Variants in NCOR2 observed in about 807,000 individuals in gnomAD.
NCOR2 encodes the protein nuclear receptor corepressor 2.
A neutral mutation model predicts 262.9 loss-of-function variants in NCOR2; 81 were observed. The observed-to-expected ratio is 0.31, with a 90% confidence interval of 0.26 to 0.37. NCOR2 has a LOEUF of 0.37. NCOR2 is among the 10% of genes least tolerant of loss of function. NCOR2 has a pLI of 1.00. For missense variants in NCOR2, 3,385 were observed against 3,621.4 expected (o/e 0.93, Z 1.68); for synonymous variants, 1,659 against 1,559.3 (o/e 1.06, Z -1.51).
At chr12:124,449,336 C>G (rs1456532965) in intron 7 of NCOR2, among the ~76,000 whole-genome samples, 1 of 152,196 alleles carries the variant, frequency 6.6e-6, no homozygotes, top group East Asian at 1.9e-4. Flanking sequence ...CTCTGATCTG[C>G]CCCATAGTGG....
chr12:124,343,360 C>T (rs1045165886), intron 32 of NCOR2, 134 bp from the exon 35 acceptor site: 12 of 678,048 alleles, frequency 1.8e-5, no homozygotes, highest in Non-Finnish European at 2.6e-5. Context: ...TGCCTTAGTT[C>T]ACTTTTTGCT....
intron 23 of NCOR2, among the ~76,000 whole-genome samples, 159 bp from the exon 26 acceptor site, chr12:124,355,730 G>A (rs1314137675): frequency 1.3e-5 from 2 of 152,074 alleles, no homozygotes; most frequent in African/African-American, 4.8e-5. Context: ...CCTCATTAGT[G>A]ACCCGAGTCC....
intron 16 of NCOR2, among the ~76,000 whole-genome samples, chr12:124,390,728 C>T (rs1029029050): frequency 2.0e-5 from 3 of 152,254 alleles, no homozygotes; most frequent in Non-Finnish European, 4.4e-5. Context: ...GACATCCAGG[C>T]ACACGCCCCC....
At chr12:124,344,328 G>A (rs933314443) in intron 32 of NCOR2, among the ~76,000 whole-genome samples, 2 of 152,202 alleles carry the variant, frequency 1.3e-5, no homozygotes, top group Non-Finnish European at 2.9e-5. Context: ...GAAAGTATCC[G>A]GGTAGCTGTT....
intron 2 of NCOR2, among the ~76,000 whole-genome samples, chr12:124,484,775 C>A (rs924595190): frequency 6.6e-6 from 1 of 152,354 alleles, no homozygotes; most frequent in East Asian, 1.9e-4. Context: ...TGCCCTCCCA[C>A]GCGCTTGGTG....
rs115651626 is a variant in NCOR2 at position 124,489,838 on chromosome 12, G to C, written c.106-3270C>G. Among the ~76,000 whole-genome samples, 1,358 of 152,266 alleles carry C rather than the reference G, an allele frequency of 8.9e-3. 23 individuals are homozygous for C. Among genetic ancestry groups the C allele is most frequent in the African/African-American group, 0.03 (1,266 of 41,546 alleles). ...CAGAGAGGAGAAAGGGGCTAGATGC[G>C]GGGGGATGTTTGAGCATGGACTGGG... On this transcript the variant is annotated intron_variant, in intron 1 of 46. Coordinates refer to ENST00000405201, the Ensembl canonical transcript of NCOR2.
intron 6 of NCOR2, among the ~76,000 whole-genome samples, chr12:124,452,874 C>T (rs926660833): frequency 8.5e-5 from 13 of 152,180 alleles, no homozygotes; most frequent in Non-Finnish European, 1.8e-4. Context: ...GCGAAGGCCC[C>T]GAAGGACTGA....
chr12:124,506,959 T>C (rs2136993177), intron 1 of NCOR2, among the ~76,000 whole-genome samples: 1 of 152,296 alleles, frequency 6.6e-6, no homozygotes, highest in South Asian at 2.1e-4. Context: ...CGGTGGGACC[T>C]GGGGTTTCTA....
chr12:124,439,104 GAGAGACAGAGACCC>G (rs1261107247), intron 7 of NCOR2, among the ~76,000 whole-genome samples: 128 of 132,310 alleles, frequency 9.7e-4, no homozygotes, highest in African/African-American at 2.9e-3. Context: ...GAGACAGAGG[GAGAGACAGAGACCC>G]AGAGACAGAG....
At chr12:124,369,406 C>A (rs1040145325) in intron 20 of NCOR2, among the ~76,000 whole-genome samples, 3 of 152,126 alleles carry the variant, frequency 2.0e-5, no homozygotes, top group Non-Finnish European at 2.9e-5. Context: ...AGAGCTCCCC[C>A]ACTGGGGCTG....
chr12:124,476,780 A>G (rs2047121667), intron 3 of NCOR2, among the ~76,000 whole-genome samples: 1 of 152,192 alleles, frequency 6.6e-6, no homozygotes, highest in Non-Finnish European at 1.5e-5. Context: ...GAACAGATAA[A>G]TAAAACATGG....
intron 13 of NCOR2, among the ~76,000 whole-genome samples, chr12:124,417,597 G>A (rs1003034020): frequency 6.6e-6 from 1 of 151,384 alleles, no homozygotes; most frequent in Non-Finnish European, 1.5e-5. Flanking sequence ...CCCAACAGAC[G>A]CCTGATGATG....
In NCOR2 at chr12:124,457,294, GAGGCCCGGGGCCCCCTGC is replaced by G. The variant is rs1447639511; in HGVS notation, c.706-150_706-133del. On this transcript the variant is annotated intron_variant, in intron 5 of 46. Coordinates refer to ENST00000405201, the Ensembl canonical transcript of NCOR2. This position sits in a 1 kb window ranked among gnomAD's most constrained non-coding sequence, Gnocchi z 4.0. ...ATGCTGATCCTCAGCACGGGGGAGG[GAGGCCCGGGGCCCCCTGC>G]AGGCCCTCCCCACGCTGGAAAAAAA... The G allele has an allele frequency of 1.0e-6, 1 of 1,004,658 alleles. No homozygotes were observed. Among genetic ancestry groups the G allele is most frequent in the Non-Finnish European group, 1.4e-6 (1 of 713,544 alleles). 62.2% of individuals were successfully genotyped at this position (1,004,658 alleles called of 1,614,324 possible).
intron 6 of NCOR2, among the ~76,000 whole-genome samples, chr12:124,456,578 C>G (rs1369583602): frequency 6.6e-6 from 1 of 152,194 alleles, no homozygotes; most frequent in East Asian, 1.9e-4. Flanking sequence ...GCGCGGCACC[C>G]GATGTTGGAA....
chr12:124,553,659 T>C (rs763042435), intron 1 of NCOR2, among the ~76,000 whole-genome samples: 5 of 152,242 alleles, frequency 3.3e-5, no homozygotes, highest in Non-Finnish European at 7.3e-5. Context: ...CTTCCCTCTC[T>C]AGATTAACAA....
intron 6 of NCOR2, among the ~76,000 whole-genome samples, chr12:124,456,350 G>A (rs557274563): frequency 1.3e-5 from 2 of 152,334 alleles, no homozygotes; most frequent in African/African-American, 4.8e-5. Flanking sequence ...GGGGCAGGCA[G>A]GGGCTGCGGC....
At chr12:124,453,847 C>A (rs557303328) in intron 6 of NCOR2, among the ~76,000 whole-genome samples, 2 of 152,228 alleles carry the variant, frequency 1.3e-5, no homozygotes, top group African/African-American at 2.4e-5. Context: ...CATCTCAGTG[C>A]CCCCGACCCC....
At chr12:124,496,060 G>A (rs1171441199), upstream of NCOR2, among the ~76,000 whole-genome samples, 3 of 152,086 alleles carry the variant, frequency 2.0e-5, no homozygotes, top group Admixed American at 6.5e-5. This position sits in a 1 kb window ranked among gnomAD's most constrained non-coding sequence, Gnocchi z 4.4. Flanking sequence ...GGCAGATACT[G>A]GAGCCTTCCA....
At chr12:124,356,881 C>A in intron 22 of NCOR2, 99 bp from the exon 25 acceptor site, 1 of 1,348,794 alleles carries the variant, frequency 7.4e-7, no homozygotes, top group Non-Finnish European at 9.6e-7. Context: ...CCTGCACCCA[C>A]AGTAGTGGTG....
Sources: gnomAD v4.1 joint callset for allele counts (sites outside exome capture counted in the v4.1 genomes callset) on GRCh38, gnomAD v4.1.1 for gene constraint, Gnocchi (gnomAD v3.1) non-coding constraint, MANE v1.5 for transcripts, NCBI Gene and HGNC (gene_info 2026-07-23, HGNC 2026-07-21) for gene names.